The following CBLB variants were observed in gnomAD, a reference collection of about 807,000 sequenced individuals.
CBLB encodes E3 ubiquitin-protein ligase CBL-B.
Under a neutral mutation model 104.9 loss-of-function variants are expected in CBLB, and 31 were observed. That is an observed-to-expected ratio of 0.30 (90% confidence interval 0.22 to 0.40). The LOEUF (loss-of-function observed/expected upper bound fraction) is 0.40, where lower values mean the gene tolerates loss of function less well. CBLB is among the 10% of genes least tolerant of loss of function. CBLB has a pLI of 1.00. For missense variants in CBLB, 1,062 were observed against 1,214.6 expected, an observed-to-expected ratio of 0.87 and a Z score of 1.87; for synonymous variants, 440 against 422.6, an observed-to-expected ratio of 1.04 and a Z score of -0.51.
chr3:105,772,132 A>AG (rs1168806867), intron 4 of CBLB, among the ~76,000 whole-genome samples: 1 of 152,204 alleles, frequency 6.6e-6, no homozygotes, highest in Non-Finnish European at 1.5e-5. Context: ...TTACAACACA[A>AG]GGCTATAGTT....
intron 6 of CBLB, among the ~76,000 whole-genome samples, chr3:105,741,118 G>A (rs1317129659): frequency 6.5e-5 from 1 of 15,456 alleles, no homozygotes; most frequent in African/African-American, 2.3e-4. Flanking sequence ...TTTTTTTTTT[G>A]AGACGGAGTC....
intron 3 of CBLB, among the ~76,000 whole-genome samples, chr3:105,837,653 T>C (rs1049770313): frequency 1.3e-5 from 2 of 152,200 alleles, no homozygotes; most frequent in Non-Finnish European, 1.5e-5. Flanking sequence ...ATGAACTTTG[T>C]CCAAGAATGT....
intron 14 of CBLB, 150 bp downstream of exon 14, chr3:105,685,170 T>A (rs2066852431): frequency 1.4e-6 from 1 of 712,264 alleles, no homozygotes; most frequent in Non-Finnish European, 2.4e-6. Context: ...TCTTTAAAAG[T>A]AATGCTGGAA....
chr3:105,700,903 A>ATT (rs1351802021), intron 12 of CBLB, among the ~76,000 whole-genome samples: 1 of 152,232 alleles, frequency 6.6e-6, no homozygotes, highest in African/African-American at 2.4e-5. Flanking sequence ...TATATCCTGA[A>ATT]TATAAGATGA....
intron 3 of CBLB, among the ~76,000 whole-genome samples, chr3:105,777,787 T>C (rs999133842): frequency 6.6e-6 from 1 of 152,228 alleles, no homozygotes; most frequent in African/African-American, 2.4e-5. Flanking sequence ...CTAATTTCCA[T>C]GTTAAGTTCT....
At chr3:105,729,288 C>G (rs1264073339) in intron 9 of CBLB, among the ~76,000 whole-genome samples, 2 of 151,978 alleles carry the variant, frequency 1.3e-5, no homozygotes, top group Non-Finnish European at 2.9e-5. Flanking sequence ...CTTCTTGGAG[C>G]TAAGGATTGT....
chr3:105,734,611 A>T (rs2074698272), intron 8 of CBLB, among the ~76,000 whole-genome samples: 1 of 152,206 alleles, frequency 6.6e-6, no homozygotes, highest in African/African-American at 2.4e-5. Flanking sequence ...AAGAAAAGTG[A>T]CAAACATTTA....
chr3:105,856,301 G>A (rs1171693754), intron 2 of CBLB, among the ~76,000 whole-genome samples: 1 of 127,686 alleles, frequency 7.8e-6, no homozygotes, highest in Non-Finnish European at 1.5e-5. Context: ...AGTGAGCTGA[G>A]ATCACATCAC....
intron 3 of CBLB, among the ~76,000 whole-genome samples, chr3:105,847,128 T>C (rs1393286686): frequency 6.6e-6 from 1 of 151,990 alleles, no homozygotes; most frequent in Non-Finnish European, 1.5e-5. Context: ...AACGTACCAA[T>C]TGCAAAATGT....
intron 9 of CBLB, among the ~76,000 whole-genome samples, chr3:105,723,396 T>A (rs1393774329): frequency 2.0e-5 from 3 of 152,136 alleles, no homozygotes; most frequent in Non-Finnish European, 4.4e-5. Context: ...AATGACTCAG[T>A]AGGTTTCACT....
intron 2 of CBLB, among the ~76,000 whole-genome samples, chr3:105,854,513 G>T (rs1455940273): frequency 1.3e-5 from 2 of 151,410 alleles, no homozygotes; most frequent in Non-Finnish European, 2.9e-5. Flanking sequence ...ATAGTGTAAT[G>T]GGACAGCACT....
chr3:105,845,186 G>A (rs1293448421), intron 3 of CBLB, among the ~76,000 whole-genome samples: 5 of 151,712 alleles, frequency 3.3e-5, no homozygotes, highest in African/African-American at 1.2e-4. Context: ...ATAATAATTG[G>A]TATCATTCTC....
chr3:105,718,766 G>A (rs2072310596), intron 10 of CBLB, among the ~76,000 whole-genome samples: 1 of 152,188 alleles, frequency 6.6e-6, no homozygotes, highest in Non-Finnish European at 1.5e-5. Context: ...GCCCAAGTCA[G>A]GAGGAAGGGT....
chr3:105,681,348 G>T (rs560150179), intron 16 of CBLB, 131 bp downstream of exon 16: 3 of 852,286 alleles, frequency 3.5e-6, no homozygotes, highest in Middle Eastern at 3.1e-4. Flanking sequence ...CCGGCACCTG[G>T]AGAACCCATT....
At position 105,775,125 on chromosome 3, in the gene CBLB, T is replaced by C. The variant is rs773158290; in HGVS notation, c.566+1271A>G. Among the ~76,000 whole-genome samples the C allele has an allele frequency of 1.4e-3, 209 of 152,354 alleles. 1 individual carries two copies. Among genetic ancestry groups the C allele is most frequent in the Non-Finnish European group, 2.2e-4 (15 of 68,024 alleles). On this transcript the variant is annotated intron_variant, in intron 4 of 18. Coordinates refer to ENST00000394030, the MANE Select transcript of CBLB (RefSeq NM_170662.5). ...AATTCTTCATTTCTGAATGAATATATGAACATTATAAATAACTAGATTGCT... is the reference window on the plus strand; with the variant it reads ...AATTCTTCATTTCTGAATGAATATACGAACATTATAAATAACTAGATTGCT...
intron 13 of CBLB, among the ~76,000 whole-genome samples, chr3:105,690,532 A>G (rs559794772): frequency 2.0e-5 from 3 of 152,116 alleles, no homozygotes; most frequent in Non-Finnish European, 4.4e-5. Context: ...CCTGTTAAAA[A>G]TAAGACAAAG....
chr3:105,755,341 G>A (rs1040153029), intron 4 of CBLB, among the ~76,000 whole-genome samples: 1 of 152,120 alleles, frequency 6.6e-6, no homozygotes, highest in Admixed American at 6.5e-5. Flanking sequence ...AATCTGGAAA[G>A]GTGTCAGCTG....
At chr3:105,697,293 C>A (rs2068511006) in intron 12 of CBLB, among the ~76,000 whole-genome samples, 1 of 151,948 alleles carries the variant, frequency 6.6e-6, no homozygotes, top group Admixed American at 6.6e-5. Context: ...AGTAATATTT[C>A]TCTAAATGCC....
intron 9 of CBLB, among the ~76,000 whole-genome samples, chr3:105,732,191 CT>C (rs2074389775): frequency 6.6e-6 from 1 of 152,068 alleles, no homozygotes; most frequent in Non-Finnish European, 1.5e-5. Context: ...TACAGACAAT[CT>C]ATCACTGAGT....
Sources: gnomAD v4.1 joint callset for allele counts (sites outside exome capture counted in the v4.1 genomes callset) on GRCh38, gnomAD v4.1.1 for gene constraint, MANE v1.5 for transcripts, NCBI Gene and HGNC (gene_info 2026-07-23, HGNC 2026-07-21) for gene names.